UGT1A9: variants seen among roughly 807,000 people sequenced by gnomAD.
The protein encoded by UGT1A9 is UDP-glucuronosyltransferase 1A9.
Under a neutral mutation model 45.0 loss-of-function variants are expected in UGT1A9, and 35 were observed. That is an observed-to-expected ratio of 0.78 (90% confidence interval 0.59 to 1.03). UGT1A9 has a LOEUF of 1.03. Ranked by LOEUF, UGT1A9 falls within the 50% of genes least tolerant of loss-of-function variation. The pLI is 0.00. For missense variants in UGT1A9, 687 were observed against 666.6 expected (o/e 1.03, Z -0.34); for synonymous variants, 278 against 250.6 (o/e 1.11, Z -1.03).
intron 1 of UGT1A9, among the ~76,000 whole-genome samples, chr2:233,709,659 T>TAGTA (rs2076086145): frequency 6.6e-6 from 1 of 152,242 alleles, no homozygotes; most frequent in Non-Finnish European, 1.5e-5. Context: ...GGGCTTTGTA[T>TAGTA]AGTAGGTTTT....
chr2:233,718,626 C>T lies in UGT1A9; in HGVS notation c.855+45837C>T, dbSNP rs552976207. 130 of 926,994 alleles carry T rather than the reference C, an allele frequency of 1.4e-4. No individual in the cohort carries two copies. The South Asian group carries it at 5.5e-3, about 39-fold the overall frequency. The allele number at this position is 926,994 out of a possible 1,614,324, so 57.4% of individuals were successfully genotyped here. On this transcript the variant is annotated intron_variant, in intron 1 of 4. Transcript: ENST00000354728. ...GCTTTTCAAGATAGGCGTGATTGGT[C>T]TTTCCCAGGGTTGGGCCCATAACGA...
At chr2:233,711,690 G>A (rs1409150978) in intron 1 of UGT1A9, among the ~76,000 whole-genome samples, 1 of 152,202 alleles carries the variant, frequency 6.6e-6, no homozygotes, top group Non-Finnish European at 1.5e-5. Flanking sequence ...TCTAATGGGG[G>A]TAACTTCCTC....
intron 1 of UGT1A9, among the ~76,000 whole-genome samples, chr2:233,712,746 C>A (rs563563892): frequency 0.011 from 1,329 of 123,370 alleles, 32 homozygotes; most frequent in African/African-American, 0.037. Context: ...CTTGGATGTT[C>A]CCCAGAGCGA....
At chr2:233,677,409 C>T (rs188929557) in intron 1 of UGT1A9, among the ~76,000 whole-genome samples, 38 of 152,106 alleles carry the variant, frequency 2.5e-4, no homozygotes, top group East Asian at 1.3e-3. Context: ...TTTTGATTCT[C>T]CAAAAACTTA....
At chr2:233,770,071 ATTC>A (rs1346170672) in intron 4 of UGT1A9, 1 of 153,458 alleles carries the variant, frequency 6.5e-6, no homozygotes, top group Non-Finnish European at 1.5e-5. Context: ...TATAATTTTG[ATTC>A]TTTCTTCAGT....
chr2:233,769,819 C>A lies in UGT1A9; in HGVS notation c.1295+1380C>A. On this transcript the variant is annotated intron_variant, in intron 4 of 4. Transcript: ENST00000354728. The surrounding 1 kb of genome is among the most constrained non-coding windows in gnomAD (Gnocchi z 4.4). ...GCTATGAGCCGTGATCATGCCACTG[C>A]ACTCCAGCAACCTGGGCAACAGAGT... 2 of 840,292 alleles carry A rather than the reference C, an allele frequency of 2.4e-6. No homozygotes were observed. The highest frequency in any genetic ancestry group is 3.4e-6 in the Non-Finnish European group (2 of 594,478). The allele number at this position is 840,292 out of a possible 1,614,324, so 52.1% of individuals were successfully genotyped here.
At chr2:233,722,580 G>A (rs764999406) in intron 1 of UGT1A9, among the ~76,000 whole-genome samples, 2 of 152,194 alleles carry the variant, frequency 1.3e-5, no homozygotes, top group African/African-American at 2.4e-5. Context: ...TTGCAACTTC[G>A]TTAGAGGACT....
rs1005644336 is a variant in UGT1A9 at position 233,772,950 on chromosome 2, A to G, written c.*391A>G. On this transcript the variant is annotated 3_prime_UTR_variant, in exon 5 of 5. Coordinates refer to ENST00000354728, the MANE Select transcript of UGT1A9 (RefSeq NM_021027.3). Reference sequence around the variant, plus strand: ...TAATCTTATCTTTTGGCTTCTGCAGATGGTTGCAATTGATCCTTAACCAAT... The same window carrying G: ...TAATCTTATCTTTTGGCTTCTGCAGGTGGTTGCAATTGATCCTTAACCAAT... The G allele has an allele frequency of 1.5e-5, 5 of 323,142 alleles. No individual in the cohort carries two copies. Among genetic ancestry groups the G allele is most frequent in the Non-Finnish European group, 2.9e-5 (5 of 171,790 alleles). 20.0% of individuals were successfully genotyped at this position (323,142 alleles called of 1,614,324 possible). A position where few individuals can be genotyped will look rare whatever the true frequency, so the allele number is the denominator to read the frequency against.
At chr2:233,743,187 A>G (rs904489240) in intron 1 of UGT1A9, 11 of 373,380 alleles carry the variant, frequency 2.9e-5, no homozygotes, top group Middle Eastern at 3.7e-4. Flanking sequence ...GTGGACTGGA[A>G]TTACTTGGTG....
rs181203799 is a variant in UGT1A9, at chr2:233,760,152, C to T, written c.856-6882C>T. ...TTCTTTATCTCTGAAAGTGAACTCC[C>T]TGCTACCTTTGTGGACTGACAGCTT... On this transcript the variant is annotated intron_variant, in intron 1 of 4. Transcript: ENST00000354728. 37 of 1,481,016 alleles carry T rather than the reference C, an allele frequency of 2.5e-5. No individual in the cohort carries two copies. The Admixed American group carries it at 2.7e-4, about 11-fold the overall frequency. The allele number at this position is 1,481,016 out of a possible 1,614,324, so 91.7% of individuals were successfully genotyped here. A position where few individuals can be genotyped will look rare whatever the true frequency, so the allele number is the denominator to read the frequency against.
intron 1 of UGT1A9, chr2:233,719,470 C>T (rs568794982): frequency 6.2e-7 from 1 of 1,613,998 alleles, no homozygotes; most frequent in South Asian, 1.1e-5. Flanking sequence ...ATGCTCTACC[C>T]TCTGGCCCTG....
At chr2:233,751,144 C>T (rs1237165481) in intron 1 of UGT1A9, among the ~76,000 whole-genome samples, 2 of 151,954 alleles carry the variant, frequency 1.3e-5, no homozygotes, top group Non-Finnish European at 2.9e-5. Context: ...CTGTGGGAGC[C>T]CACTTCTGGC....
chr2:233,682,665 A>T, intron 1 of UGT1A9: 3 of 1,613,852 alleles, frequency 1.9e-6, no homozygotes, highest in Non-Finnish European at 2.5e-6. Context: ...ACGGCATATG[A>T]TCTCTACAGC....
chr2:233,714,888 A>G (rs529971847), intron 1 of UGT1A9, among the ~76,000 whole-genome samples: 65 of 151,904 alleles, frequency 4.3e-4, no homozygotes, highest in Admixed American at 3.0e-3. Context: ...AAATTTTTCT[A>G]TCTTTTGAGA....
In UGT1A9 at chr2:233,760,861, T is replaced by C. The variant is rs776126400; in HGVS notation, c.856-6173T>C. 1.9e-6 allele frequency: 3 copies of C among 1,614,158 alleles called. No individual in the cohort carries two copies. The South Asian group carries it at 3.3e-5, about 18-fold the overall frequency. The stretch of plus-strand genomic sequence containing the variant: ...TACCCAGTGCCCCAACCCATTCTCC[T>C]ACGTGCCCAGGCCTCTCTCCTCTCA... On this transcript the variant is annotated intron_variant, in intron 1 of 4. Coordinates refer to ENST00000354728, the MANE Select transcript of UGT1A9 (RefSeq NM_021027.3).
At chr2:233,705,468 CAT>C (rs1165661174) in intron 1 of UGT1A9, among the ~76,000 whole-genome samples, 1 of 152,140 alleles carries the variant, frequency 6.6e-6, no homozygotes, top group African/African-American at 2.4e-5. Context: ...AGCAGACACA[CAT>C]GAGGCAAATT....
chr2:233,746,345 T>C (rs887408714), intron 1 of UGT1A9, among the ~76,000 whole-genome samples: 14 of 151,796 alleles, frequency 9.2e-5, no homozygotes, highest in African/African-American at 1.7e-4. Context: ...GACATGTTTA[T>C]GTTGCTCCTT....
chr2:233,769,469 G>T lies in UGT1A9; in HGVS notation c.1295+1030G>T. On this transcript the variant is annotated intron_variant, in intron 4 of 4. Coordinates refer to ENST00000354728, the MANE Select transcript of UGT1A9 (RefSeq NM_021027.3). The surrounding 1 kb of genome is among the most constrained non-coding windows in gnomAD (Gnocchi z 4.4). ...CACACGTGTGCATTCATATGCGTGT[G>T]TGTGTGTGTGCGTGTGTTTATGAGA... 2 of 1,610,132 alleles carry T rather than the reference G, an allele frequency of 1.2e-6. No homozygotes were observed.
intron 1 of UGT1A9, among the ~76,000 whole-genome samples, chr2:233,678,748 T>G (rs1159437249): frequency 6.9e-6 from 1 of 145,830 alleles, no homozygotes; most frequent in African/African-American, 2.5e-5. Flanking sequence ...TGGAAAGCAC[T>G]CATCTCTATC....
Sources: gnomAD v4.1 joint callset for allele counts (sites outside exome capture counted in the v4.1 genomes callset) on GRCh38, gnomAD v4.1.1 for gene constraint, Gnocchi (gnomAD v3.1) non-coding constraint, MANE v1.5 for transcripts, NCBI Gene and HGNC (gene_info 2026-07-23, HGNC 2026-07-21) for gene names.